EPB41L5: variants seen among roughly 807,000 people sequenced by gnomAD.
EPB41L5 encodes erythrocyte membrane protein band 4.1 like 5, also known as band 4.1-like protein 5.
A neutral mutation model predicts 106.6 loss-of-function variants in EPB41L5; 55 were observed. That is an observed-to-expected ratio of 0.52 (90% confidence interval 0.42 to 0.65). The LOEUF is 0.65. Among genes scored for constraint, EPB41L5 ranks in the 30% least tolerant of loss-of-function variants. The probability of loss-of-function intolerance (pLI) is 0.00; values close to 1 mark genes in which losing one functional copy is unlikely to be tolerated. For synonymous variants in EPB41L5, 297 were observed against 306.7 expected (o/e 0.97, Z 0.33); for missense variants, 871 against 882.1 (o/e 0.99, Z 0.16).
chr2:120,059,873 C>T (rs181541190), intron 3 of EPB41L5, among the ~76,000 whole-genome samples: 6 of 152,238 alleles, frequency 3.9e-5, no homozygotes, highest in African/African-American at 9.6e-5. Context: ...AGAGCGAAAC[C>T]GTGTCTCAAC....
At chr2:120,165,646 C>A (rs1687364862) in intron 22 of EPB41L5, among the ~76,000 whole-genome samples, 2 of 152,260 alleles carry the variant, frequency 1.3e-5, no homozygotes, top group East Asian at 3.9e-4. Context: ...TGAAACAGTT[C>A]CTTCCCTCCA....
At chr2:120,082,352 A>C (rs1682732830) in intron 10 of EPB41L5, among the ~76,000 whole-genome samples, 1 of 152,174 alleles carries the variant, frequency 6.6e-6, no homozygotes, top group South Asian at 2.1e-4. Flanking sequence ...CTTTTTCTGC[A>C]TCTATTGAGA....
At chr2:120,071,726 A>G (rs1165861095) in intron 3 of EPB41L5, among the ~76,000 whole-genome samples, 2 of 152,258 alleles carry the variant, frequency 1.3e-5, no homozygotes, top group African/African-American at 4.8e-5. Context: ...GGCTAGCCAT[A>G]TGCAGAAAAC....
chr2:120,142,724 G>A (rs916503652), intron 18 of EPB41L5, among the ~76,000 whole-genome samples: 1 of 152,158 alleles, frequency 6.6e-6, no homozygotes, highest in African/African-American at 2.4e-5. Context: ...CTGAATTCCA[G>A]CAAACTGTGT....
intron 20 of EPB41L5, among the ~76,000 whole-genome samples, chr2:120,154,969 A>G (rs1445062696): frequency 6.6e-6 from 1 of 152,204 alleles, no homozygotes; most frequent in Non-Finnish European, 1.5e-5. Flanking sequence ...TGGGCCTATT[A>G]AAGTTAATTT....
intron 20 of EPB41L5, among the ~76,000 whole-genome samples, chr2:120,147,494 G>A (rs1254823056): frequency 3.3e-5 from 5 of 151,836 alleles, no homozygotes; most frequent in South Asian, 2.1e-4. Flanking sequence ...GCATGGTGGC[G>A]CACGCCTGTA....
At chr2:120,134,592 C>T (rs1685844399) in intron 18 of EPB41L5, among the ~76,000 whole-genome samples, 1 of 152,176 alleles carries the variant, frequency 6.6e-6, no homozygotes, top group Non-Finnish European at 1.5e-5. Flanking sequence ...ATGCAGCTCA[C>T]TGAGAAGAGA....
chr2:120,138,983 C>T (rs186554604), intron 18 of EPB41L5, among the ~76,000 whole-genome samples: 182 of 152,002 alleles, frequency 1.2e-3, no homozygotes, highest in African/African-American at 4.3e-3. Context: ...TAAAAACAGA[C>T]ACATAGACCA....
chr2:120,121,791 A>G (rs1045386134), intron 16 of EPB41L5, among the ~76,000 whole-genome samples: 1 of 152,216 alleles, frequency 6.6e-6, no homozygotes, highest in African/African-American at 2.4e-5. Context: ...TTACACTCCT[A>G]CCAACAGTGT....
chr2:120,165,543 A>T (rs1209441034), intron 22 of EPB41L5, among the ~76,000 whole-genome samples: 1 of 152,218 alleles, frequency 6.6e-6, no homozygotes, highest in Non-Finnish European at 1.5e-5. Flanking sequence ...CATGTTCAGT[A>T]CAGACACAAC....
intron 3 of EPB41L5, among the ~76,000 whole-genome samples, chr2:120,069,556 C>G (rs1391950490): frequency 6.6e-6 from 1 of 152,096 alleles, no homozygotes; most frequent in Non-Finnish European, 1.5e-5. Context: ...AAATTGACCA[C>G]ATAATTGGAA....
intron 10 of EPB41L5, among the ~76,000 whole-genome samples, chr2:120,081,607 C>T (rs994773808): frequency 3.3e-5 from 5 of 151,750 alleles, no homozygotes; most frequent in Non-Finnish European, 7.4e-5. Flanking sequence ...TTTTTGGTTC[C>T]GTATGAACTT....
chr2:120,054,671 T>A (rs1032271834), intron 3 of EPB41L5, among the ~76,000 whole-genome samples: 2 of 152,010 alleles, frequency 1.3e-5, no homozygotes, highest in African/African-American at 2.4e-5. Flanking sequence ...GAGTTAATTT[T>A]TGTATATGCT....
chr2:120,013,515 G>A (rs1677288580), intron 1 of EPB41L5: 1 of 152,114 alleles, frequency 6.6e-6, no homozygotes, highest in Middle Eastern at 3.2e-3. Context: ...CGCGCTCCCC[G>A]AGCCGCGGGT....
intron 24 of EPB41L5, among the ~76,000 whole-genome samples, chr2:120,174,442 G>A (rs1228423968): frequency 3.3e-5 from 5 of 149,494 alleles, no homozygotes; most frequent in Non-Finnish European, 7.4e-5. Context: ...TCCAGCCTGG[G>A]CGACAGAGCA....
At chr2:120,047,337 T>G (rs1187708567) in intron 3 of EPB41L5, among the ~76,000 whole-genome samples, 1 of 152,186 alleles carries the variant, frequency 6.6e-6, no homozygotes, top group Non-Finnish European at 1.5e-5. Context: ...TTTATTTTGT[T>G]GAGCAGTGGT....
At chr2:120,027,139 T>C (rs1424939810) in intron 2 of EPB41L5, among the ~76,000 whole-genome samples, 1 of 152,220 alleles carries the variant, frequency 6.6e-6, no homozygotes, top group Non-Finnish European at 1.5e-5. Context: ...CTTTGGATAA[T>C]AGTGGGGCAG....
At chr2:120,035,144 T>C (rs907682976) in intron 2 of EPB41L5, among the ~76,000 whole-genome samples, 2 of 152,196 alleles carry the variant, frequency 1.3e-5, no homozygotes, top group African/African-American at 4.8e-5. Context: ...TCTCCCTTAT[T>C]AAATGGGCCC....
chr2:120,021,958 G>A (rs911903561), intron 2 of EPB41L5, among the ~76,000 whole-genome samples: 5 of 152,024 alleles, frequency 3.3e-5, no homozygotes, highest in Admixed American at 1.3e-4. Flanking sequence ...ATAGTTAGCC[G>A]TCTTCTTCCT....
Sources: allele counts gnomAD v4.1 joint callset (sites outside exome capture counted in the v4.1 genomes callset), GRCh38; gene constraint gnomAD v4.1.1; transcripts MANE v1.5; gene names NCBI Gene and HGNC (gene_info 2026-07-23, HGNC 2026-07-21).